KLHL29: variants seen among roughly 807,000 people sequenced by gnomAD.
KLHL29 encodes kelch like family member 29, also known as kelch-like protein 29.
A neutral mutation model predicts 80.4 loss-of-function variants in KLHL29; 21 were observed. The observed-to-expected ratio is 0.26, with a 90% CI of 0.19 to 0.38. The LOEUF (loss-of-function observed/expected upper bound fraction) is 0.38. Among genes scored for constraint, KLHL29 ranks in the 10% least tolerant of loss-of-function variants. The probability of loss-of-function intolerance (pLI) is 1.00; values close to 1 mark genes in which losing one functional copy is unlikely to be tolerated. For synonymous variants in KLHL29, 511 were observed against 526.8 expected (o/e 0.97, Z 0.41); for missense variants, 867 against 1,223.9 (o/e 0.71, Z 4.35).
At chr2:23,489,707 G>A (rs568939089) in intron 2 of KLHL29, among the ~76,000 whole-genome samples, 1 of 152,004 alleles carries the variant, frequency 6.6e-6, no homozygotes, top group South Asian at 2.1e-4. Context: ...ATGGCCCCGA[G>A]TGAATGTGCC....
chr2:23,562,544 C>CA lies in KLHL29; in HGVS notation c.285+64dup. 6.7e-7 allele frequency: 1 copy of CA among 1,496,054 alleles called. No individual in the cohort carries two copies. The allele number at this position is 1,496,054 out of a possible 1,614,324, so 92.7% of individuals were successfully genotyped here. A position where few individuals can be genotyped will look rare whatever the true frequency, so the allele number is the denominator to read the frequency against. ...GAGGGGCCCTGCCTCCCTGCAGGCTCAGGCCAGCCCCACAGGCTCCTGTGG... is the reference window on the plus strand; with the variant it reads ...GAGGGGCCCTGCCTCCCTGCAGGCTCAAGGCCAGCCCCACAGGCTCCTGTGG... On this transcript the variant is annotated intron_variant, in intron 3 of 13. Coordinates refer to ENST00000486442, the MANE Select transcript of KLHL29 (RefSeq NM_052920.2). This position sits in a 1 kb window ranked among gnomAD's most constrained non-coding sequence, Gnocchi z 4.5.
intron 1 of KLHL29, among the ~76,000 whole-genome samples, chr2:23,474,748 T>C (rs17045423): frequency 0.018 from 2,787 of 152,212 alleles, 72 homozygotes; most frequent in African/African-American, 0.063. Context: ...AAATCCTTCA[T>C]ATCACATTAA....
Position 23,415,120 on chromosome 2 carries a change from A to G in KLHL29, c.-154+29340A>G, listed in dbSNP as rs147891475. On this transcript the variant is annotated intron_variant, in intron 1 of 13. Coordinates refer to ENST00000486442, the MANE Select transcript of KLHL29 (RefSeq NM_052920.2). ...CAAGCTTCCAAAAGTGGGTGCTGCA[A>G]ATGCTGCAGTTCTGCGCTCTCCCCA... Among the ~76,000 whole-genome samples the G allele has an allele frequency of 4.4e-3, 666 of 152,282 alleles. 4 individuals are homozygous for G. The highest frequency in any genetic ancestry group is 0.01 in the Middle Eastern group (3 of 294).
chr2:23,541,812 A>G (rs1404286312), intron 2 of KLHL29, among the ~76,000 whole-genome samples: 2 of 150,204 alleles, frequency 1.3e-5, no homozygotes, highest in Non-Finnish European at 2.9e-5. Flanking sequence ...CCCAGTGGAC[A>G]GCAGCAGGGC....
At chr2:23,496,588 G>A (rs929124840) in intron 2 of KLHL29, among the ~76,000 whole-genome samples, 7 of 152,168 alleles carry the variant, frequency 4.6e-5, no homozygotes, top group African/African-American at 1.2e-4. Flanking sequence ...CGGGGCCAGC[G>A]GTGGAGGGAG....
chr2:23,414,363 T>G (rs1572493408), intron 1 of KLHL29, among the ~76,000 whole-genome samples: 6 of 144,984 alleles, frequency 4.1e-5, no homozygotes, highest in Non-Finnish European at 7.6e-5. Context: ...TGCGGCGGGG[T>G]GGGAGGGATG....
At chr2:23,580,015 T>C (rs1308315648) in intron 3 of KLHL29, among the ~76,000 whole-genome samples, 2 of 152,196 alleles carry the variant, frequency 1.3e-5, no homozygotes, top group Non-Finnish European at 2.9e-5. Context: ...GTGTGGCCTC[T>C]TTTTCCTCAT....
At chr2:23,640,274 G>C (rs71437496) in intron 4 of KLHL29, among the ~76,000 whole-genome samples, 1 of 152,142 alleles carries the variant, frequency 6.6e-6, no homozygotes, top group South Asian at 2.1e-4. Context: ...TGTCTTCCAC[G>C]TCATTATCCA....
intron 5 of KLHL29, among the ~76,000 whole-genome samples, chr2:23,656,188 T>C (rs1166678634): frequency 6.6e-6 from 1 of 152,202 alleles, no homozygotes; most frequent in Non-Finnish European, 1.5e-5. Context: ...GGGAACTATT[T>C]TGGGGCCGGA....
In KLHL29 at chr2:23,642,832, G is replaced by C. The variant is rs759663487; in HGVS notation, c.922G>C (p.Asp308His). ...TIGVGKYEFT[D>H]PGHPREMLKE... ...TGGCGTGGGGAAGTATGAGTTCACC[G>C]ACCCGGGGCACCCCAGAGGTAAGTC... The change falls in exon 5 of 14, where the codon GAC becomes CAC. Residue 308 changes from aspartate to histidine, a missense_variant. This residue lies in a region of KLHL29 where 424 missense variants were observed against 456.9 expected (regional missense o/e 0.93). Coordinates refer to ENST00000486442, the MANE Select transcript of KLHL29 (RefSeq NM_052920.2). 6.5e-7 allele frequency: 1 copy of C among 1,550,380 alleles called. No individual in the cohort carries two copies. The highest frequency in any genetic ancestry group is 8.7e-7 in the Non-Finnish European group (1 of 1,146,858).
chr2:23,576,443 G>T (rs965171326), intron 3 of KLHL29, among the ~76,000 whole-genome samples: 1 of 152,138 alleles, frequency 6.6e-6, no homozygotes, highest in Non-Finnish European at 1.5e-5. Context: ...GTGGCAACTT[G>T]TCATCTGCTG....
At chr2:23,428,489 C>T (rs1230557902) in intron 1 of KLHL29, among the ~76,000 whole-genome samples, 1 of 152,176 alleles carries the variant, frequency 6.6e-6, no homozygotes, top group Non-Finnish European at 1.5e-5. Flanking sequence ...CTCCTCTCGC[C>T]TACCTGCACC....
At chr2:23,643,261 A>T (rs751490071) in intron 5 of KLHL29, 1 of 367,732 alleles carries the variant, frequency 2.7e-6, no homozygotes, top group Non-Finnish European at 5.3e-6. Context: ...CATTCCATCC[A>T]TGAGGACATT....
chr2:23,546,654 C>A (rs2103486651), intron 2 of KLHL29, among the ~76,000 whole-genome samples: 1 of 152,260 alleles, frequency 6.6e-6, no homozygotes, highest in South Asian at 2.1e-4. Flanking sequence ...CTCCCCCTCT[C>A]CCGGGGAGGA....
At position 23,696,713 on chromosome 2, in the gene KLHL29, T is replaced by C; in HGVS notation, c.2105+200T>C. The C allele has an allele frequency of 1.9e-6, 1 of 520,644 alleles. No homozygotes were observed. The highest frequency in any genetic ancestry group is 3.4e-5 in the East Asian group (1 of 29,064). The allele number at this position is 520,644 out of a possible 1,614,324, so 32.3% of individuals were successfully genotyped here. A position where few individuals can be genotyped will look rare whatever the true frequency, so the allele number is the denominator to read the frequency against. The stretch of plus-strand genomic sequence containing the variant: ...GGATACAAGCAGATGGGATGACATC[T>C]GTGTCACCTTTGCAGTCGCTGAGAT... On this transcript the variant is annotated intron_variant, in intron 11 of 13. Coordinates refer to ENST00000486442, the MANE Select transcript of KLHL29 (RefSeq NM_052920.2). The surrounding 1 kb of genome is among the most constrained non-coding windows in gnomAD (Gnocchi z 5.5).
rs377415520 is a variant in KLHL29, at chr2:23,469,410, G to C, written c.-153-6150G>C. The stretch of plus-strand genomic sequence containing the variant: ...GCACCTGCCCTGCCTCATGGGGTTC[G>C]TGTGGCATCTAATGAGGGAGAGAAG... On this transcript the variant is annotated intron_variant, in intron 1 of 13. Transcript: ENST00000486442. Among the ~76,000 whole-genome samples, 49 of 152,346 alleles carry C rather than the reference G, an allele frequency of 3.2e-4. 3 individuals carry two copies. Among genetic ancestry groups the C allele is most frequent in the African/African-American group, 1.0e-3 (42 of 41,592 alleles).
At chr2:23,627,336 C>T (rs539531474) in intron 3 of KLHL29, among the ~76,000 whole-genome samples, 70 of 152,338 alleles carry the variant, frequency 4.6e-4, no homozygotes, top group Middle Eastern at 3.4e-3. Context: ...CCTGGCCACA[C>T]GTGGCTCTCA....
At chr2:23,591,200 G>A (rs2103516103) in intron 3 of KLHL29, among the ~76,000 whole-genome samples, 1 of 152,306 alleles carries the variant, frequency 6.6e-6, no homozygotes, top group Middle Eastern at 3.4e-3. Context: ...GGGTGAAAAG[G>A]AGCAACGGCC....
At chr2:23,705,319 C>T (rs1181704865) in intron 13 of KLHL29, among the ~76,000 whole-genome samples, 1 of 152,090 alleles carries the variant, frequency 6.6e-6, no homozygotes, top group African/African-American at 2.4e-5. Flanking sequence ...GGTGAAACCC[C>T]GTCTCTACTA....
Sources: allele counts gnomAD v4.1 joint callset (sites outside exome capture counted in the v4.1 genomes callset), GRCh38; gene constraint gnomAD v4.1.1; regional missense constraint gnomAD v4.1.1; non-coding constraint Gnocchi (gnomAD v3.1); transcripts MANE v1.5; gene names NCBI Gene and HGNC (gene_info 2026-07-23, HGNC 2026-07-21).